TMPRSS11E: variants seen among roughly 807,000 people sequenced by gnomAD.
The protein encoded by TMPRSS11E is transmembrane serine protease 11E, also known as transmembrane protease serine 11E.
Under a neutral mutation model 48.1 loss-of-function variants are expected in TMPRSS11E, and 38 were observed. That is an observed-to-expected ratio of 0.79 (90% CI 0.61 to 1.04). TMPRSS11E has a LOEUF of 1.04. TMPRSS11E is among the 50% of genes least tolerant of loss of function. The pLI, the probability that TMPRSS11E is intolerant of heterozygous loss-of-function variation, is 0.00. For synonymous variants in TMPRSS11E, 158 were observed against 171.9 expected, an observed-to-expected ratio of 0.92 and a Z score of 0.63; for missense variants, 530 against 510.8, an observed-to-expected ratio of 1.04 and a Z score of -0.36.
intron 2 of TMPRSS11E, among the ~76,000 whole-genome samples, chr4:68,465,232 G>A (rs1728896025): frequency 6.6e-6 from 1 of 152,056 alleles, no homozygotes; most frequent in South Asian, 2.1e-4. Context: ...TTGTACTCTG[G>A]TGACTCAACT....
At chr4:68,450,035 A>G (rs1728451153) in intron 1 of TMPRSS11E, among the ~76,000 whole-genome samples, 1 of 151,862 alleles carries the variant, frequency 6.6e-6, no homozygotes, top group Non-Finnish European at 1.5e-5. Flanking sequence ...TGTTTACAGG[A>G]AAAACCTTGG....
intron 9 of TMPRSS11E, among the ~76,000 whole-genome samples, chr4:68,481,816 G>A (rs1207653659): frequency 2.0e-5 from 3 of 152,092 alleles, no homozygotes; most frequent in Non-Finnish European, 4.4e-5. Flanking sequence ...CAATGTGGTG[G>A]TGTGTGCCTG....
chr4:68,460,944 G>C (rs986041321), intron 1 of TMPRSS11E, among the ~76,000 whole-genome samples: 1 of 148,052 alleles, frequency 6.8e-6, no homozygotes, highest in Non-Finnish European at 1.5e-5. Flanking sequence ...GCAGTGGCCC[G>C]ATCTTAGCTC....
chr4:68,493,625 C>G (rs180997797), intron 9 of TMPRSS11E, among the ~76,000 whole-genome samples: 19 of 152,170 alleles, frequency 1.2e-4, no homozygotes, highest in African/African-American at 4.6e-4. Context: ...CGCCACCACA[C>G]CAGACTAATT....
rs137966431 is a variant in TMPRSS11E at position 68,459,631 on chromosome 4, T to C, written c.12-2190T>C. Among the ~76,000 whole-genome samples, 456 of 152,330 alleles carry C rather than the reference T, an allele frequency of 3.0e-3. 16 individuals are homozygous for C. In the East Asian group the frequency reaches 0.074, roughly 25 times the overall value. On this transcript the variant is annotated intron_variant, in intron 1 of 9. Transcript: ENST00000305363. ...TAATACATGAAACCTACTTCATCAA[T>C]AGAATGGCTGCATTGCTTACATTTT...
At chr4:68,478,440 G>C (rs569907855) in intron 8 of TMPRSS11E, among the ~76,000 whole-genome samples, 1 of 123,540 alleles carries the variant, frequency 8.1e-6, no homozygotes, top group East Asian at 3.0e-4. Flanking sequence ...CACCGCACCC[G>C]GTATCCCCCG....
rs556477057 is a variant in TMPRSS11E, at chr4:68,476,504, C to T, written c.707+66C>T. The T allele has an allele frequency of 7.7e-5, 114 of 1,475,896 alleles. No individual in the cohort carries two copies. The African/African-American group carries it at 1.3e-3, about 17-fold the overall frequency. The allele number at this position is 1,475,896 out of a possible 1,614,324, so 91.4% of individuals were successfully genotyped here. ...TGCACTGGGTTTTGGCAAGAAAATACCTCATGAATTTTGGGAGATATGAGT... is the reference window on the plus strand; with the variant it reads ...TGCACTGGGTTTTGGCAAGAAAATATCTCATGAATTTTGGGAGATATGAGT... On this transcript the variant is annotated intron_variant, in intron 7 of 9. Transcript: ENST00000305363.
intron 9 of TMPRSS11E, among the ~76,000 whole-genome samples, chr4:68,484,605 G>A (rs539708440): frequency 6.6e-6 from 1 of 152,216 alleles, no homozygotes; most frequent in Admixed American, 6.5e-5. Flanking sequence ...ACTGTACCTG[G>A]CCTTCAACTA....
intron 1 of TMPRSS11E, among the ~76,000 whole-genome samples, chr4:68,447,910 A>G (rs372845198): frequency 1.4e-4 from 21 of 152,032 alleles, no homozygotes; most frequent in African/African-American, 4.8e-4. Context: ...ACATGAAAAA[A>G]AGTCTGAAAT....
chr4:68,471,819 A>G (rs1053060337), intron 5 of TMPRSS11E, among the ~76,000 whole-genome samples, 196 bp downstream of exon 5: 1 of 151,880 alleles, frequency 6.6e-6, no homozygotes, highest in Non-Finnish European at 1.5e-5. Flanking sequence ...CCTCCCATGC[A>G]AGCTTTTTAT....
intron 6 of TMPRSS11E, among the ~76,000 whole-genome samples, chr4:68,475,843 T>G (rs1306659474): frequency 6.6e-6 from 1 of 152,188 alleles, no homozygotes; most frequent in Non-Finnish European, 1.5e-5. Flanking sequence ...ATTAAATGGT[T>G]CAATATGTTA....
intron 2 of TMPRSS11E, among the ~76,000 whole-genome samples, chr4:68,465,717 G>A (rs954739305): frequency 5.3e-5 from 8 of 152,104 alleles, no homozygotes; most frequent in Non-Finnish European, 1.5e-5. Flanking sequence ...GAGAGAGACT[G>A]TGACTGGATG....
chr4:68,456,112 C>T (rs2109664609), intron 1 of TMPRSS11E, among the ~76,000 whole-genome samples: 1 of 152,052 alleles, frequency 6.6e-6, no homozygotes, highest in Non-Finnish European at 1.5e-5. Context: ...AGGTCAGAGA[C>T]ATTCCTTACT....
At chr4:68,477,330 TG>T in intron 7 of TMPRSS11E, 38 bp from the exon 8 acceptor site, 1 of 1,560,628 alleles carries the variant, frequency 6.4e-7, no homozygotes, top group Non-Finnish European at 8.6e-7. Context: ...ACTGGTAGCA[TG>T]GTAAAAAGAA....
chr4:68,473,491 A>G (rs1729128469), intron 5 of TMPRSS11E, among the ~76,000 whole-genome samples: 1 of 152,156 alleles, frequency 6.6e-6, no homozygotes, highest in Non-Finnish European at 1.5e-5. Flanking sequence ...GGAATTGTGA[A>G]TGATATATGC....
At position 68,489,550 on chromosome 4, in the gene TMPRSS11E, G is replaced by A. The variant is rs552608654; in HGVS notation, c.1111-7093G>A. 3.3e-5 allele frequency among the ~76,000 whole-genome samples: 5 copies of A among 152,334 alleles called. No homozygotes were observed. The East Asian group carries it at 9.6e-4, about 29-fold the overall frequency. ...ATACACCAGTGAGTCAGTGGCTGGA[G>A]GCTGCAGGCAAAGGCATGACAGCAA... On this transcript the variant is annotated intron_variant, in intron 9 of 9. Transcript: ENST00000305363.
At chr4:68,471,756 CTAAATT>C in intron 5 of TMPRSS11E, 133 bp downstream of exon 5, 1 of 584,240 alleles carries the variant, frequency 1.7e-6, no homozygotes, top group South Asian at 4.4e-5. Context: ...TTCTTTGGAA[CTAAATT>C]TGTCCTAATG....
intron 9 of TMPRSS11E, among the ~76,000 whole-genome samples, chr4:68,495,684 G>T (rs1450231527): frequency 6.6e-6 from 1 of 152,064 alleles, no homozygotes; most frequent in Non-Finnish European, 1.5e-5. Context: ...AGGGAAAAAA[G>T]CATGGGCTTC....
At chr4:68,490,001 G>A (rs1004199160) in intron 9 of TMPRSS11E, among the ~76,000 whole-genome samples, 1 of 152,158 alleles carries the variant, frequency 6.6e-6, no homozygotes, top group Non-Finnish European at 1.5e-5. Context: ...TGTTCTCCCT[G>A]CCACCTTAAC....
Sources: allele counts gnomAD v4.1 joint callset (sites outside exome capture counted in the v4.1 genomes callset), GRCh38; gene constraint gnomAD v4.1.1; transcripts MANE v1.5; gene names NCBI Gene and HGNC (gene_info 2026-07-23, HGNC 2026-07-21).